CDH23: variants seen among roughly 807,000 people sequenced by gnomAD.
The protein encoded by CDH23 is cadherin-23.
Under a neutral mutation model 317.1 loss-of-function variants are expected in CDH23, and 189 were observed. The ratio of observed to expected loss-of-function variants is 0.60; its 90% CI spans 0.53 to 0.67. CDH23 has a LOEUF of 0.67. CDH23 is among the 30% of genes least tolerant of loss of function. The pLI is 0.00. For missense variants in CDH23, 4,401 were observed against 4,592.4 expected (o/e 0.96, Z 1.20); for synonymous variants, 1,839 against 1,876.8 (o/e 0.98, Z 0.52).
At chr10:71,755,690 C>T (rs1489284497) in intron 38 of CDH23, among the ~76,000 whole-genome samples, 3 of 152,090 alleles carry the variant, frequency 2.0e-5, no homozygotes, top group Non-Finnish European at 4.4e-5. Flanking sequence ...CACTCAGAAA[C>T]AAGACCTGTC....
At chr10:71,438,267 C>T (rs12775818) in intron 1 of CDH23, among the ~76,000 whole-genome samples, 58,316 of 147,414 alleles carry the variant, frequency 0.4, 12,829 homozygotes, top group East Asian at 0.5. Context: ...TCACTGGAAT[C>T]CAGGAGGTGG....
rs1166660519 is a variant in CDH23, at chr10:71,761,143, C to T, written c.4846-16537C>T. The stretch of plus-strand genomic sequence containing the variant: ...GCCACTCCCAGGGGCATGTGAATAC[C>T]CGCTGGTGCCCACACCTCTATCCGA... On this transcript the variant is annotated intron_variant, in intron 38 of 69. Transcript: ENST00000224721. Among the ~76,000 whole-genome samples, 9 of 152,140 alleles carry T rather than the reference C, an allele frequency of 5.9e-5. No homozygotes were observed. In the East Asian group the frequency reaches 1.7e-3, roughly 29 times the overall value.
intron 28 of CDH23, chr10:71,719,606 T>G (rs1029168817): frequency 6.5e-6 from 1 of 153,080 alleles, no homozygotes; most frequent in African/African-American, 2.4e-5. Flanking sequence ...AGCCTTCTCC[T>G]GCAGTCCCCC....
intron 12 of CDH23, 108 bp from the exon 13 acceptor site, chr10:71,645,723 C>A: frequency 1.5e-6 from 2 of 1,326,962 alleles, no homozygotes; most frequent in Non-Finnish European, 2.2e-6. Context: ...ATTGCCCCAA[C>A]CAAAGCAGCT....
At chr10:71,687,741 TG>T (rs1564732686) in intron 19 of CDH23, 22 bp downstream of exon 19, 2 of 1,597,044 alleles carry the variant, frequency 1.3e-6, no homozygotes, top group Admixed American at 1.7e-5. Flanking sequence ...GGTCGGGGGG[TG>T]GGGGGCACAT....
At chr10:71,525,190 A>C (rs1589164338) in intron 6 of CDH23, among the ~76,000 whole-genome samples, 2 of 152,344 alleles carry the variant, frequency 1.3e-5, no homozygotes, top group African/African-American at 4.8e-5. Context: ...TACAGGCGTG[A>C]GCCACTGTGC....
intron 1 of CDH23, among the ~76,000 whole-genome samples, chr10:71,406,301 TG>T (rs1469022007): frequency 6.6e-6 from 1 of 152,184 alleles, no homozygotes; most frequent in Non-Finnish European, 1.5e-5. Context: ...GGCTTTCCTC[TG>T]GGGAAGAGGG....
At chr10:71,612,294 G>A (rs1290937427) in intron 9 of CDH23, among the ~76,000 whole-genome samples, 1 of 151,966 alleles carries the variant, frequency 6.6e-6, no homozygotes, top group African/African-American at 2.4e-5. Context: ...GACTGTGTGG[G>A]GGGTACTTGC....
intron 3 of CDH23, among the ~76,000 whole-genome samples, chr10:71,460,471 T>C (rs990485367): frequency 6.6e-6 from 1 of 152,260 alleles, no homozygotes; most frequent in African/African-American, 2.4e-5. Flanking sequence ...GAAAGGATAA[T>C]TCAAGATGAA....
chr10:71,777,982 G>T, intron 39 of CDH23, 81 bp downstream of exon 39: 1 of 1,521,004 alleles, frequency 6.6e-7, no homozygotes, highest in Non-Finnish European at 9.0e-7. Context: ...ACTGGAGGGG[G>T]ATGGAGCAAA....
intron 41 of CDH23, among the ~76,000 whole-genome samples, chr10:71,779,674 C>A (rs1303478907): frequency 6.6e-6 from 1 of 152,216 alleles, no homozygotes; most frequent in African/African-American, 2.4e-5. Flanking sequence ...GGGCTGGTGG[C>A]CTTGGAGGGA....
intron 2 of CDH23, among the ~76,000 whole-genome samples, chr10:71,440,987 C>T (rs1849849234): frequency 1.3e-5 from 2 of 152,130 alleles, no homozygotes; most frequent in African/African-American, 4.8e-5. Context: ...GATTCCCTCT[C>T]CTTGCCTCCA....
rs7098824 is a variant in CDH23, at chr10:71,579,798, A to G, written c.832+1806A>G. On this transcript the variant is annotated intron_variant, in intron 9 of 69. Coordinates refer to ENST00000224721, the MANE Select transcript of CDH23 (RefSeq NM_022124.6). The stretch of plus-strand genomic sequence containing the variant: ...TTCTTCATGAATTTTGCAAATTGAG[A>G]CACAGAGCAGGAGCCTCCCAGTGAC... 1.6e-3 allele frequency among the ~76,000 whole-genome samples: 239 copies of G among 152,262 alleles called. 1 individual carries two copies. The highest frequency in any genetic ancestry group is 5.6e-3 in the African/African-American group (231 of 41,558).
intron 9 of CDH23, among the ~76,000 whole-genome samples, chr10:71,584,060 A>G (rs1215555283): frequency 1.3e-5 from 2 of 152,146 alleles, no homozygotes; most frequent in Non-Finnish European, 2.9e-5. Context: ...CCCGGGCAAC[A>G]CTGATGCTGC....
chr10:71,595,869 A>T (rs1299633885), intron 9 of CDH23, among the ~76,000 whole-genome samples: 4 of 152,130 alleles, frequency 2.6e-5, no homozygotes, highest in Non-Finnish European at 5.9e-5. Context: ...GTCACACCCC[A>T]GCCACTTTCA....
At chr10:71,476,660 G>A (rs1327331071) in intron 3 of CDH23, among the ~76,000 whole-genome samples, 2 of 152,198 alleles carry the variant, frequency 1.3e-5, no homozygotes, top group Admixed American at 6.5e-5. Context: ...TTTCAAGTGT[G>A]CAATATATCA....
At chr10:71,507,323 G>A (rs1476426987) in intron 3 of CDH23, among the ~76,000 whole-genome samples, 1 of 152,206 alleles carries the variant, frequency 6.6e-6, no homozygotes, top group Non-Finnish European at 1.5e-5. Context: ...GAAAAGAAAT[G>A]TATACTCCTA....
At chr10:71,739,543 G>A in intron 35 of CDH23, 101 bp from the exon 36 acceptor site, 2 of 1,423,244 alleles carry the variant, frequency 1.4e-6, no homozygotes, top group Non-Finnish European at 1.9e-6. Flanking sequence ...GCTCAACAGA[G>A]GGCCCACGTG....
chr10:71,577,309 A>T (rs947167805), intron 8 of CDH23, among the ~76,000 whole-genome samples: 2 of 152,018 alleles, frequency 1.3e-5, no homozygotes, highest in African/African-American at 4.8e-5. Flanking sequence ...GGGCAGAGCC[A>T]TTCCAAGCAG....
Sources: gnomAD v4.1 joint callset for allele counts (sites outside exome capture counted in the v4.1 genomes callset) on GRCh38, gnomAD v4.1.1 for gene constraint, MANE v1.5 for transcripts, NCBI Gene and HGNC (gene_info 2026-07-23, HGNC 2026-07-21) for gene names.